NXN: variants seen among roughly 807,000 people sequenced by gnomAD.
NXN encodes nucleoredoxin 1.
In NXN, 16 loss-of-function variants were observed where a neutral mutation model predicts 48.6. The ratio of observed to expected loss-of-function variants is 0.33; its 90% CI spans 0.22 to 0.50. The LOEUF (loss-of-function observed/expected upper bound fraction) is 0.50, where lower values mean the gene tolerates loss of function less well. NXN is among the 20% of genes least tolerant of loss of function. NXN has a pLI of 0.98. For synonymous variants in NXN, 281 were observed against 269.6 expected (o/e 1.04, Z -0.41); for missense variants, 492 against 605.5 (o/e 0.81, Z 1.97).
At chr17:872,304 CTAG>C (rs1480177434) in intron 1 of NXN, among the ~76,000 whole-genome samples, 2 of 134,430 alleles carry the variant, frequency 1.5e-5, no homozygotes, top group African/African-American at 5.5e-5. Flanking sequence ...CAATCAAAGA[CTAG>C]GAGAGAGAGA....
chr17:957,825 C>G (rs184630247), intron 1 of NXN, among the ~76,000 whole-genome samples: 1 of 152,132 alleles, frequency 6.6e-6, no homozygotes. Flanking sequence ...AGCCCAGACC[C>G]GAGAGAGGCA....
At chr17:815,918 G>A (rs575275900) in intron 5 of NXN, among the ~76,000 whole-genome samples, 15 of 152,300 alleles carry the variant, frequency 9.8e-5, no homozygotes, top group South Asian at 6.2e-4. Context: ...GAATGTGACC[G>A]GCGGGCCTTT....
intron 1 of NXN, among the ~76,000 whole-genome samples, chr17:850,072 G>A (rs1438639433): frequency 2.0e-5 from 3 of 150,598 alleles, no homozygotes; most frequent in African/African-American, 7.3e-5. Context: ...TCTGCTCCTC[G>A]TAAACAACTC....
intron 1 of NXN, among the ~76,000 whole-genome samples, chr17:890,628 A>G (rs543707290): frequency 2.0e-5 from 3 of 151,702 alleles, no homozygotes; most frequent in South Asian, 2.1e-4. Flanking sequence ...TGATCCGCCC[A>G]CCTCGGCCGC....
At chr17:913,773 GAAA>G (rs922037542) in intron 1 of NXN, among the ~76,000 whole-genome samples, 1 of 151,900 alleles carries the variant, frequency 6.6e-6, no homozygotes, top group East Asian at 1.9e-4. Flanking sequence ...AAATGAAGCA[GAAA>G]AAAAATGTGT....
At chr17:891,056 C>T (rs896336930) in intron 1 of NXN, among the ~76,000 whole-genome samples, 1 of 151,720 alleles carries the variant, frequency 6.6e-6, no homozygotes, top group Admixed American at 6.6e-5. Context: ...TCTATCTATC[C>T]GTCTGTCCAC....
rs772193760 is a variant in NXN, at chr17:812,931, TGA to T, written c.820+6506_820+6507del. Among the ~76,000 whole-genome samples, 529 of 150,364 alleles carry T rather than the reference TGA, an allele frequency of 3.5e-3. 2 individuals carry two copies. Among genetic ancestry groups the T allele is most frequent in the Non-Finnish European group, 5.5e-3 (372 of 67,620 alleles). ...GTGTGACTGTAGGTGTGTGCGTGTG[TGA>T]GTGTGCATATGTGTGAGTGTAGGTG... On this transcript the variant is annotated intron_variant, in intron 5 of 7. Transcript: ENST00000336868.
chr17:846,113 G>GTGTT (rs1203339322), intron 1 of NXN, among the ~76,000 whole-genome samples: 1 of 151,816 alleles, frequency 6.6e-6, no homozygotes, highest in East Asian at 1.9e-4. Context: ...TAAAAATTAG[G>GTGTT]TGTTAGGAAT....
At chr17:940,615 C>A (rs1815289220) in intron 1 of NXN, among the ~76,000 whole-genome samples, 1 of 152,094 alleles carries the variant, frequency 6.6e-6, no homozygotes, top group Admixed American at 6.5e-5. Flanking sequence ...TTTGCAGGAC[C>A]CTTAAAAACA....
intron 4 of NXN, among the ~76,000 whole-genome samples, chr17:820,437 C>A (rs919056957): frequency 3.0e-5 from 4 of 134,572 alleles, no homozygotes; most frequent in Non-Finnish European, 6.3e-5. Context: ...CGGTGAAACC[C>A]CATCTCTACT....
chr17:816,299 T>C (rs1469619813), intron 5 of NXN, among the ~76,000 whole-genome samples: 1 of 152,158 alleles, frequency 6.6e-6, no homozygotes, highest in East Asian at 1.9e-4. Flanking sequence ...ATGTATTTTT[T>C]TAAAGTGCAA....
chr17:856,936 C>T (rs1469277104), intron 1 of NXN, among the ~76,000 whole-genome samples: 1 of 151,830 alleles, frequency 6.6e-6, no homozygotes, highest in Admixed American at 6.6e-5. Context: ...CCTTTTCCAT[C>T]ATGAACCTCA....
intron 1 of NXN, among the ~76,000 whole-genome samples, chr17:848,831 C>G (rs1404430405): frequency 1.3e-5 from 2 of 152,200 alleles, no homozygotes; most frequent in Non-Finnish European, 2.9e-5. Context: ...GAAGTGTGGT[C>G]TGAGGACAGA....
At position 951,542 on chromosome 17, in the gene NXN, T is replaced by G. The variant is rs1178857892; in HGVS notation, c.360+27777A>C. The stretch of plus-strand genomic sequence containing the variant: ...GCCAGGGTCTTTCTCAATCAATACA[T>G]TTTAAAAATGCGAGCTGGGGGCGGG... On this transcript the variant is annotated intron_variant, in intron 1 of 7. Transcript: ENST00000336868. Among the ~76,000 whole-genome samples the G allele has an allele frequency of 3.5e-5, 5 of 144,552 alleles. No homozygotes were observed. The South Asian group carries it at 1.1e-3, about 33-fold the overall frequency. 94.8% of individuals were successfully genotyped at this position (144,552 alleles called of 152,430 possible). A position where few individuals can be genotyped will look rare whatever the true frequency, so the allele number is the denominator to read the frequency against.
In NXN at chr17:924,382, C is replaced by T. The variant is rs1365702816; in HGVS notation, c.360+54937G>A. Among the ~76,000 whole-genome samples, 6 of 152,094 alleles carry T rather than the reference C, an allele frequency of 3.9e-5. No individual in the cohort carries two copies. The East Asian group carries it at 5.8e-4, about 15-fold the overall frequency. ...CCCCCGCGTAGGTGGGATTGCAAGG[C>T]GTGAGCCACTACGTCCGGCTAATTT... On this transcript the variant is annotated intron_variant, in intron 1 of 7. Transcript: ENST00000336868.
intron 1 of NXN, among the ~76,000 whole-genome samples, chr17:891,971 C>G (rs672835): frequency 0.1 from 9,879 of 97,770 alleles, 1,322 homozygotes; most frequent in South Asian, 0.15. Context: ...CACAACCCAA[C>G]AAGGAACTAA....
intron 1 of NXN, among the ~76,000 whole-genome samples, chr17:962,744 A>T (rs541594575): frequency 6.6e-6 from 1 of 152,280 alleles, no homozygotes; most frequent in East Asian, 1.9e-4. Context: ...CGGCACGGAG[A>T]AGGCTTTTGT....
In NXN at chr17:841,661, GCC is replaced by G. The variant is rs1914313450; in HGVS notation, c.361-15585_361-15584del. Among the ~76,000 whole-genome samples, 10 of 50,364 alleles carry G rather than the reference GCC, an allele frequency of 2.0e-4. 1 individual carries two copies. Among genetic ancestry groups the G allele is most frequent in the East Asian group, 1.5e-3 (2 of 1,338 alleles). The allele number at this position is 50,364 out of a possible 152,430, so 33.0% of individuals were successfully genotyped here. A position where few individuals can be genotyped will look rare whatever the true frequency, so the allele number is the denominator to read the frequency against. On this transcript the variant is annotated intron_variant, in intron 1 of 7. Coordinates refer to ENST00000336868, the MANE Select transcript of NXN (RefSeq NM_022463.5). The stretch of plus-strand genomic sequence containing the variant: ...CCACCCTGACCACAGCGCATCTCAC[GCC>G]GGCGAGCAGGTCCACCCTGACCATG...
Position 800,885 on chromosome 17 carries a change from A to G in NXN, c.*64T>C. On this transcript the variant is annotated 3_prime_UTR_variant, in exon 8 of 8. Transcript: ENST00000336868. ...GCACGCTGGGTAAGTCCAAGGGCGG[A>G]AGGAAGGAGGGGGAGGAGGAGAAGG... is the stretch of plus-strand genomic sequence containing the variant. 8.2e-7 allele frequency: 1 copy of G among 1,212,638 alleles called. No individual in the cohort carries two copies. Among genetic ancestry groups the G allele is most frequent in the Non-Finnish European group, 1.1e-6 (1 of 915,802 alleles). 75.1% of individuals were successfully genotyped at this position (1,212,638 alleles called of 1,614,324 possible). A position where few individuals can be genotyped will look rare whatever the true frequency, so the allele number is the denominator to read the frequency against.
Sources: gnomAD v4.1 joint callset for allele counts (sites outside exome capture counted in the v4.1 genomes callset) on GRCh38, gnomAD v4.1.1 for gene constraint, MANE v1.5 for transcripts, NCBI Gene and HGNC (gene_info 2026-07-23, HGNC 2026-07-21) for gene names.